The following MAP1LC3B2 variants were observed in gnomAD, a reference collection of about 807,000 sequenced individuals.
The protein encoded by MAP1LC3B2 is microtubule associated protein 1 light chain 3 beta 2, also known as microtubule-associated protein 1 light chain 3 beta 2.
For missense variants in MAP1LC3B2, 155 were observed against 154.6 expected (o/e 1.00, Z -0.01); for synonymous variants, 62 against 57.8 (o/e 1.07, Z -0.33).
intron 1 of MAP1LC3B2, among the ~76,000 whole-genome samples, chr12:116,572,180 G>A (rs1869554149): frequency 1.3e-5 from 2 of 152,116 alleles, no homozygotes. Context: ...AAACCAAAGA[G>A]TTGTACCTTC....
At position 116,576,079 on chromosome 12, in the gene MAP1LC3B2, T is replaced by C; in HGVS notation, c.137T>C (p.Val46Ala). Residue 46 changes from valine to alanine, a missense_variant, in exon 2 of 2, where the codon GTT becomes GCT. Coordinates refer to ENST00000556529, the MANE Select transcript of MAP1LC3B2 (RefSeq NM_001085481.3). ...TACAAGGGTGAGAAGCAGCTTCCTG[T>C]TCTGGATAAAACAAAGTTCCTTGTA... is the stretch of plus-strand genomic sequence containing the variant. ...ERYKGEKQLP[V>A]LDKTKFLVPD... 6.2e-7 allele frequency: 1 copy of C among 1,614,210 alleles called. No individual in the cohort carries two copies. The highest frequency in any genetic ancestry group is 1.1e-5 in the South Asian group (1 of 91,088).
At chr12:116,561,121 A>G (rs146211806) in intron 1 of MAP1LC3B2, among the ~76,000 whole-genome samples, 1 of 152,200 alleles carries the variant, frequency 6.6e-6, no homozygotes, top group Non-Finnish European at 1.5e-5. Flanking sequence ...CATCTCAGAA[A>G]AAAAGCTGTG....
chr12:116,571,891 TG>T (rs896850221), intron 1 of MAP1LC3B2, among the ~76,000 whole-genome samples: 28 of 151,584 alleles, frequency 1.8e-4, no homozygotes, highest in African/African-American at 6.8e-4. Context: ...AAGCAACTGT[TG>T]TTTTTTTTTT....
At chr12:116,572,217 G>A (rs949293557) in intron 1 of MAP1LC3B2, among the ~76,000 whole-genome samples, 1 of 152,176 alleles carries the variant, frequency 6.6e-6, no homozygotes, top group African/African-American at 2.4e-5. Flanking sequence ...GAAGCAGCAC[G>A]GGCATCGTCT....
chr12:116,572,369 C>CTTTTT (rs34609295), intron 1 of MAP1LC3B2, among the ~76,000 whole-genome samples: 88 of 146,826 alleles, frequency 6.0e-4, no homozygotes, highest in African/African-American at 1.6e-3. Flanking sequence ...TGCCTCAGTT[C>CTTTTT]TTTTTTTTTT....
Position 116,560,197 on chromosome 12 carries a change from T to C in MAP1LC3B2, c.-102+764T>C, listed in dbSNP as rs1266379278. 8.0e-3 allele frequency: 63 copies of C among 7,874 alleles called. 1 individual carries two copies. Among genetic ancestry groups the C allele is most frequent in the East Asian group, 0.025 (3 of 120 alleles). The allele number at this position is 7,874 out of a possible 1,614,324, so 0.5% of individuals were successfully genotyped here. On this transcript the variant is annotated intron_variant, in intron 1 of 1. Transcript: ENST00000556529. ...ATAAAGCTAAGTTTGGCTATATATA[T>C]ATATATATATATATATATATATATA...
At position 116,567,153 on chromosome 12, in the gene MAP1LC3B2, G is replaced by A. The variant is rs35198877; in HGVS notation, c.-102+7720G>A. Reference sequence around the variant, plus strand: ...AGGTGCCTGGGTTTTTGGAGATTTAGAGTGCTGAGAGATGCTGTTTGCACA... The same window carrying A: ...AGGTGCCTGGGTTTTTGGAGATTTAAAGTGCTGAGAGATGCTGTTTGCACA... On this transcript the variant is annotated intron_variant, in intron 1 of 1. Coordinates refer to ENST00000556529, the MANE Select transcript of MAP1LC3B2 (RefSeq NM_001085481.3). Among the ~76,000 whole-genome samples the A allele has an allele frequency of 2.4e-3, 365 of 151,900 alleles. 1 individual carries two copies. The highest frequency in any genetic ancestry group is 8.5e-3 in the African/African-American group (352 of 41,400).
intron 1 of MAP1LC3B2, among the ~76,000 whole-genome samples, chr12:116,565,471 C>T (rs753496068): frequency 1.3e-5 from 2 of 152,202 alleles, no homozygotes; most frequent in South Asian, 2.1e-4. Context: ...ATGGGGGAGC[C>T]GCCCCCATGA....
intron 1 of MAP1LC3B2, among the ~76,000 whole-genome samples, chr12:116,571,858 A>G (rs1276005043): frequency 6.6e-6 from 1 of 151,562 alleles, no homozygotes; most frequent in Non-Finnish European, 1.5e-5. Flanking sequence ...GAAACAAAGT[A>G]ATGTCCGCGA....
In MAP1LC3B2 at chr12:116,575,998, A is replaced by G; in HGVS notation, c.56A>G (p.Asp19Gly). The G allele has an allele frequency of 1.2e-6, 2 of 1,614,238 alleles. No homozygotes were observed. The highest frequency in any genetic ancestry group is 2.2e-5 in the South Asian group (2 of 91,082). Residue 19 changes from aspartate (D) to glycine (G), a missense_variant, in exon 2 of 2, where the codon GAT (aspartate) becomes GGT (glycine). Transcript: ENST00000556529. ...CGCACCTTCGAACAAAGAGTAGAAG[A>G]TGTCCGACTTATTCGAGAGCAGCAT... The part of the protein sequence containing the change: ...QRRTFEQRVE[D>G]VRLIREQHPT...
chr12:116,560,422 T>G (rs1744867696), intron 1 of MAP1LC3B2, among the ~76,000 whole-genome samples: 1 of 151,728 alleles, frequency 6.6e-6, no homozygotes, highest in Non-Finnish European at 1.5e-5. Context: ...AATTTTTGTA[T>G]TTTTAGTAGA....
chr12:116,566,388 C>T (rs1171738143), intron 1 of MAP1LC3B2, among the ~76,000 whole-genome samples: 3 of 152,022 alleles, frequency 2.0e-5, no homozygotes, highest in Non-Finnish European at 4.4e-5. Context: ...GACAAATGCA[C>T]CAGCAGGTAA....
intron 1 of MAP1LC3B2, among the ~76,000 whole-genome samples, chr12:116,562,019 G>T (rs1869284012): frequency 7.0e-6 from 1 of 142,654 alleles, no homozygotes; most frequent in Admixed American, 6.8e-5. Flanking sequence ...ACCCAGACCT[G>T]ACCAGTCAGA....
intron 1 of MAP1LC3B2, among the ~76,000 whole-genome samples, chr12:116,567,345 T>A (rs976614290): frequency 6.6e-6 from 1 of 152,084 alleles, no homozygotes. Context: ...AAGAAAGAAA[T>A]CATGGTAATT....
chr12:116,560,854 C>T (rs1592865028), intron 1 of MAP1LC3B2, among the ~76,000 whole-genome samples: 2 of 148,760 alleles, frequency 1.3e-5, no homozygotes, highest in East Asian at 2.0e-4. Context: ...TAGTGGCTTA[C>T]ACCTCTAATC....
At chr12:116,566,458 C>T (rs1869386504) in intron 1 of MAP1LC3B2, among the ~76,000 whole-genome samples, 1 of 151,916 alleles carries the variant, frequency 6.6e-6, no homozygotes, top group Admixed American at 6.6e-5. Flanking sequence ...CCCACTCTGC[C>T]TAGAGGCTAA....
intron 1 of MAP1LC3B2, among the ~76,000 whole-genome samples, chr12:116,562,358 A>G (rs1274123286): frequency 6.6e-6 from 1 of 152,236 alleles, no homozygotes; most frequent in Non-Finnish European, 1.5e-5. Context: ...TGAGTTGATC[A>G]CTTGTAAACA....
chr12:116,560,936 GCTTAAC>G (rs1869257344), intron 1 of MAP1LC3B2, among the ~76,000 whole-genome samples: 1 of 152,044 alleles, frequency 6.6e-6, no homozygotes, highest in Non-Finnish European at 1.5e-5. Context: ...GCCCAATATG[GCTTAAC>G]CCCATCTCTA....
At chr12:116,561,576 C>T (rs535929040) in intron 1 of MAP1LC3B2, among the ~76,000 whole-genome samples, 8 of 152,262 alleles carry the variant, frequency 5.3e-5, no homozygotes, top group African/African-American at 1.7e-4. Flanking sequence ...TGAGGACTCC[C>T]GAGACTAAGG....
Sources: gnomAD v4.1 joint callset for allele counts (sites outside exome capture counted in the v4.1 genomes callset) on GRCh38, gnomAD v4.1.1 for gene constraint, MANE v1.5 for transcripts, NCBI Gene and HGNC (gene_info 2026-07-23, HGNC 2026-07-21) for gene names.